Variants in GALNT2 observed in about 807,000 individuals in gnomAD.
GALNT2 encodes polypeptide N-acetylgalactosaminyltransferase 2.
In GALNT2, 31 loss-of-function variants were observed where a neutral mutation model predicts 81.4. That is an observed-to-expected ratio of 0.38 (90% confidence interval 0.29 to 0.51). The LOEUF is 0.51. Ranked by LOEUF, GALNT2 falls within the 20% of genes least tolerant of loss-of-function variation. GALNT2 has a pLI of 0.87. For missense variants in GALNT2, 629 were observed against 765.7 expected, an observed-to-expected ratio of 0.82 and a Z score of 2.11; for synonymous variants, 303 against 287.4, an observed-to-expected ratio of 1.05 and a Z score of -0.55.
At chr1:230,209,457 C>A (rs1180801893) in intron 3 of GALNT2, among the ~76,000 whole-genome samples, 3 of 152,168 alleles carry the variant, frequency 2.0e-5, no homozygotes, top group African/African-American at 7.2e-5. Context: ...CAGAACAGGG[C>A]CACCTGCAAG....
rs1662074018 is a variant in GALNT2 at position 230,150,825 on chromosome 1, C to T, written c.127-27393C>T. Among the ~76,000 whole-genome samples, 3 of 152,206 alleles carry T rather than the reference C, an allele frequency of 2.0e-5. No homozygotes were observed. The South Asian group carries it at 6.2e-4, about 32-fold the overall frequency. On this transcript the variant is annotated intron_variant, in intron 1 of 15. Coordinates refer to ENST00000366672, the MANE Select transcript of GALNT2 (RefSeq NM_004481.5). Reference sequence around the variant, plus strand: ...GAATGGGGGCTTTGACTGCTTGGCCCTGACTGTGCAGTTTTCTGGATGGAA... The same window carrying T: ...GAATGGGGGCTTTGACTGCTTGGCCTTGACTGTGCAGTTTTCTGGATGGAA...
At chr1:230,276,168 C>T (rs1200833880) in intron 15 of GALNT2, among the ~76,000 whole-genome samples, 2 of 151,398 alleles carry the variant, frequency 1.3e-5, no homozygotes, top group Admixed American at 6.6e-5. Flanking sequence ...TACATATATA[C>T]ACACACACAC....
chr1:230,136,086 C>A (rs1661529627), intron 1 of GALNT2, among the ~76,000 whole-genome samples: 1 of 152,144 alleles, frequency 6.6e-6, no homozygotes, highest in Non-Finnish European at 1.5e-5. Flanking sequence ...GAATGAGCTG[C>A]ATGTGTAAGC....
chr1:230,141,272 C>T lies in GALNT2; in HGVS notation c.127-36946C>T, dbSNP rs75909547. On this transcript the variant is annotated intron_variant, in intron 1 of 15. Coordinates refer to ENST00000366672, the MANE Select transcript of GALNT2 (RefSeq NM_004481.5). ...AAGGGACTCGTACAGGCTCTGGCTC[C>T]AGACCCGGGCTGGGTTCCTTACTTT... Among the ~76,000 whole-genome samples the T allele has an allele frequency of 7.1e-3, 1,080 of 152,310 alleles. 12 individuals are homozygous for T. Among genetic ancestry groups the T allele is most frequent in the African/African-American group, 0.024 (989 of 41,562 alleles).
intron 1 of GALNT2, among the ~76,000 whole-genome samples, chr1:230,163,188 C>T (rs182100190): frequency 7.0e-6 from 1 of 142,844 alleles, no homozygotes; most frequent in Non-Finnish European, 1.5e-5. Flanking sequence ...ACAACAACAA[C>T]AAACTTTTGT....
intron 11 of GALNT2, among the ~76,000 whole-genome samples, chr1:230,260,084 CA>C (rs1665829843): frequency 6.6e-6 from 1 of 152,182 alleles, no homozygotes; most frequent in African/African-American, 2.4e-5. Context: ...AAATTTTTTG[CA>C]AAGGCAGTTT....
intron 1 of GALNT2, among the ~76,000 whole-genome samples, chr1:230,173,236 G>T (rs147127358): frequency 3.9e-4 from 59 of 152,320 alleles, no homozygotes; most frequent in Non-Finnish European, 7.1e-4. Context: ...GGTCTTTCCA[G>T]AGGCTGCGTG....
chr1:230,170,332 C>A (rs1662750268), intron 1 of GALNT2, among the ~76,000 whole-genome samples: 1 of 152,202 alleles, frequency 6.6e-6, no homozygotes, highest in Non-Finnish European at 1.5e-5. Flanking sequence ...TGAAGCCTGT[C>A]TCTGGTCTCT....
chr1:230,110,714 G>GTTTGTT (rs1553257213), intron 1 of GALNT2, among the ~76,000 whole-genome samples: 1 of 137,658 alleles, frequency 7.3e-6, no homozygotes, highest in Non-Finnish European at 1.6e-5. Context: ...GTGCTTTTCT[G>GTTTGTT]TTTTTTTTTT....
At chr1:230,088,727 C>T (rs1353608279) in intron 1 of GALNT2, among the ~76,000 whole-genome samples, 8 of 151,962 alleles carry the variant, frequency 5.3e-5, no homozygotes, top group South Asian at 2.1e-4. Flanking sequence ...TTAGTACAGA[C>T]GGGGTTTCAT....
intron 2 of GALNT2, among the ~76,000 whole-genome samples, chr1:230,191,383 A>G (rs933170393): frequency 1.3e-5 from 2 of 152,250 alleles, no homozygotes; most frequent in African/African-American, 4.8e-5. Context: ...AAGGGCTTCC[A>G]AGGGGAAGTG....
At chr1:230,267,729 G>A (rs780741506) in intron 14 of GALNT2, among the ~76,000 whole-genome samples, 11 of 152,216 alleles carry the variant, frequency 7.2e-5, no homozygotes, top group African/African-American at 1.7e-4. Context: ...AAGACGAAGC[G>A]GGTGAAAGGA....
At chr1:230,176,910 C>A (rs1402690861) in intron 1 of GALNT2, among the ~76,000 whole-genome samples, 1 of 152,146 alleles carries the variant, frequency 6.6e-6, no homozygotes. Flanking sequence ...GGCTTGGACC[C>A]CCGGCTGCAG....
intron 14 of GALNT2, among the ~76,000 whole-genome samples, chr1:230,273,364 C>A (rs1666202264): frequency 6.6e-6 from 1 of 152,138 alleles, no homozygotes; most frequent in African/African-American, 2.4e-5. Flanking sequence ...GATAGAAAGA[C>A]AGACAGACAG....
chr1:230,236,434 C>T lies in GALNT2; in HGVS notation c.541+14C>T, dbSNP rs777286311. 6.2e-7 allele frequency: 1 copy of T among 1,612,422 alleles called. No individual in the cohort carries two copies. Among genetic ancestry groups the T allele is most frequent in the East Asian group, 2.2e-5 (1 of 44,870 alleles). ...ACAGCAATGATCGTGAGTACTGACACTGATTTTATCCCTGTGTCTGGCTCT... is the reference window on the plus strand; with the variant it reads ...ACAGCAATGATCGTGAGTACTGACATTGATTTTATCCCTGTGTCTGGCTCT... On this transcript the variant is annotated intron_variant, in intron 5 of 15. Transcript: ENST00000366672.
chr1:230,266,669 A>G (rs973539416), intron 14 of GALNT2, among the ~76,000 whole-genome samples: 5 of 152,126 alleles, frequency 3.3e-5, no homozygotes, highest in Non-Finnish European at 7.4e-5. Context: ...TAGAAGAGAG[A>G]GAGGAACCTG....
chr1:230,241,636 C>T (rs1015018935), intron 6 of GALNT2, among the ~76,000 whole-genome samples: 6 of 151,812 alleles, frequency 4.0e-5, no homozygotes, highest in African/African-American at 1.5e-4. Context: ...TTAATAGAAA[C>T]GGGTTTCACC....
chr1:230,233,126 G>A (rs1373214419), intron 3 of GALNT2, among the ~76,000 whole-genome samples: 1 of 152,188 alleles, frequency 6.6e-6, no homozygotes, highest in African/African-American at 2.4e-5. Context: ...TGAAATTGCT[G>A]GTCATTGTTT....
At chr1:230,157,296 C>T (rs79625496) in intron 1 of GALNT2, among the ~76,000 whole-genome samples, 27 of 152,278 alleles carry the variant, frequency 1.8e-4, no homozygotes, top group Non-Finnish European at 3.1e-4. Context: ...CACTATACAC[C>T]TAGGGGAGTG....
Sources: gnomAD v4.1 joint callset for allele counts (sites outside exome capture counted in the v4.1 genomes callset) on GRCh38, gnomAD v4.1.1 for gene constraint, MANE v1.5 for transcripts, NCBI Gene and HGNC (gene_info 2026-07-23, HGNC 2026-07-21) for gene names.